The following MORN1 variants were observed in gnomAD, a reference collection of about 807,000 sequenced individuals.
MORN1 encodes the protein MORN repeat-containing protein 1.
A neutral mutation model predicts 61.9 loss-of-function variants in MORN1; 67 were observed. The ratio of observed to expected loss-of-function variants is 1.08; its 90% CI spans 0.89 to 1.33. The LOEUF (loss-of-function observed/expected upper bound fraction) is 1.33. Ranked by LOEUF, MORN1 falls within the 40% of genes most tolerant of loss-of-function variation. The pLI is 0.00. For missense variants in MORN1, 752 were observed against 691.2 expected (o/e 1.09, Z -0.99); for synonymous variants, 301 against 292.0 (o/e 1.03, Z -0.31).
At chr1:2,358,962 T>C (rs1641835709) in intron 8 of MORN1, among the ~76,000 whole-genome samples, 2 of 152,122 alleles carry the variant, frequency 1.3e-5, no homozygotes, top group African/African-American at 2.4e-5. Context: ...CCAATACCCC[T>C]GTACCCCTGT....
intron 6 of MORN1, among the ~76,000 whole-genome samples, chr1:2,381,503 G>A (rs1390614985): frequency 6.6e-6 from 1 of 152,204 alleles, no homozygotes; most frequent in African/African-American, 2.4e-5. Flanking sequence ...CCACGGGCCT[G>A]CCTGGGGAGG....
chr1:2,330,516 C>T (rs924945180), intron 12 of MORN1, among the ~76,000 whole-genome samples: 3 of 152,094 alleles, frequency 2.0e-5, no homozygotes, highest in Non-Finnish European at 2.9e-5. Context: ...CGGTCACTGG[C>T]GACAGAGCCA....
At chr1:2,383,288 G>A (rs1642413011) in intron 6 of MORN1, among the ~76,000 whole-genome samples, 1 of 152,204 alleles carries the variant, frequency 6.6e-6, no homozygotes. Context: ...CCAGTGGCCT[G>A]TGGAACACCC....
chr1:2,358,844 C>T, intron 8 of MORN1, 129 bp from the exon 9 acceptor site: 1 of 1,201,648 alleles, frequency 8.3e-7, no homozygotes, highest in East Asian at 2.6e-5. Context: ...TGGCTGTGAC[C>T]CTGGTGGGCT....
intron 10 of MORN1, among the ~76,000 whole-genome samples, chr1:2,348,753 A>G (rs925071873): frequency 1.4e-4 from 10 of 70,910 alleles, no homozygotes; most frequent in African/African-American, 5.2e-4. Context: ...GGGCACGCAC[A>G]CACACGCACA....
rs150103640 is a variant in MORN1, at chr1:2,358,681, G to A, written c.780C>T (p.Gly260=). 25 of 1,613,438 alleles carry A rather than the reference G, an allele frequency of 1.5e-5. No homozygotes were observed. Among genetic ancestry groups the A allele is most frequent in the East Asian group, 2.2e-5 (1 of 44,852 alleles). The change falls in exon 9 of 14, where the codon GGC becomes GGT. Residue 260 remains glycine (G), a synonymous_variant. Coordinates refer to ENST00000378531, the MANE Select transcript of MORN1 (RefSeq NM_024848.3). ...AGGCTGACAGCTGCACGTATCTGAC[G>A]CCCGCTGAGATCTGCAGGACCCGGC... ...ESGRVLQISA[G]VRYVQLSAYS... is the part of the protein sequence containing the mutation.
chr1:2,379,904 G>A (rs1298894351), intron 6 of MORN1, among the ~76,000 whole-genome samples: 2 of 152,198 alleles, frequency 1.3e-5, no homozygotes, highest in African/African-American at 2.4e-5. Context: ...GTGGCCCACA[G>A]GGCCTTGAAG....
intron 8 of MORN1, among the ~76,000 whole-genome samples, chr1:2,359,913 G>A (rs1340841987): frequency 6.6e-6 from 1 of 151,864 alleles, no homozygotes; most frequent in Non-Finnish European, 1.5e-5. Context: ...AAAAGAAGAA[G>A]AGGAAGGAGA....
At chr1:2,385,519 CA>C (rs1429841189) in intron 5 of MORN1, 5 of 366,662 alleles carry the variant, frequency 1.4e-5, no homozygotes, top group African/African-American at 1.2e-4. Context: ...ACTTTGCCGC[CA>C]GCCTGACGTT....
chr1:2,356,052 C>G lies in MORN1; in HGVS notation c.1036+1380G>C, dbSNP rs545165358. Among the ~76,000 whole-genome samples the G allele has an allele frequency of 3.9e-5, 6 of 152,326 alleles. No individual in the cohort carries two copies. In the East Asian group the frequency reaches 1.2e-3, roughly 29 times the overall value. On this transcript the variant is annotated intron_variant, in intron 10 of 13. Transcript: ENST00000378531. ...TGGAGGGTTGGAGTTGGGGGATCAC[C>G]CCAGTGCGGCAGCCAGGTCGGGGGA...
chr1:2,345,846 C>CAT (rs1317925192), intron 10 of MORN1, among the ~76,000 whole-genome samples: 2 of 141,156 alleles, frequency 1.4e-5, no homozygotes, highest in African/African-American at 5.4e-5. Context: ...CACACACACA[C>CAT]ACACACACAG....
chr1:2,386,518 C>T (rs1201568655), intron 4 of MORN1: 1 of 153,692 alleles, frequency 6.5e-6, no homozygotes, highest in Non-Finnish European at 1.4e-5. Flanking sequence ...CAACCTCTGC[C>T]TCCTGGGTTC....
intron 13 of MORN1, chr1:2,322,235 A>T: frequency 1.0e-6 from 1 of 985,410 alleles, no homozygotes; most frequent in Non-Finnish European, 1.2e-6. Flanking sequence ...AAGAAATAAC[A>T]AAAAGTGAGG....
chr1:2,328,073 T>A (rs947533196), intron 12 of MORN1, among the ~76,000 whole-genome samples: 3 of 152,222 alleles, frequency 2.0e-5, no homozygotes, highest in Admixed American at 1.3e-4. Flanking sequence ...GCAAGGGACC[T>A]CTGGCAGCCT....
intron 12 of MORN1, chr1:2,326,270 AC>A (rs550597708): frequency 9.2e-4 from 140 of 152,344 alleles, no homozygotes; most frequent in African/African-American, 3.2e-3. Context: ...CCCAGGACCC[AC>A]GTAAGACACA....
intron 10 of MORN1, among the ~76,000 whole-genome samples, chr1:2,354,807 C>T (rs1410759167): frequency 1.3e-5 from 2 of 152,206 alleles, no homozygotes; most frequent in Non-Finnish European, 2.9e-5. Flanking sequence ...AAAGCAGCAG[C>T]CCAGCCTCCC....
At position 2,346,150 on chromosome 1, in the gene MORN1, A is replaced by AGGAACCTTCCTCAGACAAAGCCACCAG. The variant is rs1557875245; in HGVS notation, c.1037-9327_1037-9301dup. ...GGAACCTTCCTCACACAAAGCCACC[A>AGGAACCTTCCTCAGACAAAGCCACCAG]GGAACCTTCCTCAGACAAAGCCACC... On this transcript the variant is annotated intron_variant, in intron 10 of 13. Transcript: ENST00000378531. Among the ~76,000 whole-genome samples, 64 of 151,402 alleles carry AGGAACCTTCCTCAGACAAAGCCACCAG rather than the reference A, an allele frequency of 4.2e-4. 1 individual carries two copies. The East Asian group carries it at 0.012, about 28-fold the overall frequency.
chr1:2,391,320 G>GGGCGGCCCTGGCTCCGCCGC, intron 1 of MORN1, 138 bp downstream of exon 1: 1 of 1,001,622 alleles, frequency 1.0e-6, no homozygotes, highest in Non-Finnish European at 1.3e-6. Flanking sequence ...GGGGACGCGG[G>GGGCGGCCCTGGCTCCGCCGC]GGCGGCCCTG....
At position 2,355,271 on chromosome 1, in the gene MORN1, CG is replaced by C; in HGVS notation, c.1036+2160del. On this transcript the variant is annotated intron_variant, in intron 10 of 13. Coordinates refer to ENST00000378531, the MANE Select transcript of MORN1 (RefSeq NM_024848.3). ...TGAGGTGAAGGCAGACAAGGGGGCG[CG>C]GGCCGGGCCCCCCGTGGGCCTGTTG... 3 of 1,429,906 alleles carry C rather than the reference CG, an allele frequency of 2.1e-6. No individual in the cohort carries two copies. In the East Asian group the frequency reaches 7.7e-5, roughly 37 times the overall value. 88.6% of individuals were successfully genotyped at this position (1,429,906 alleles called of 1,614,324 possible).
Sources: allele counts gnomAD v4.1 joint callset (sites outside exome capture counted in the v4.1 genomes callset), GRCh38; gene constraint gnomAD v4.1.1; transcripts MANE v1.5; gene names NCBI Gene and HGNC (gene_info 2026-07-23, HGNC 2026-07-21).